MBP: variants seen among roughly 807,000 people sequenced by gnomAD.
The protein encoded by MBP is Golli-MBP.
Under a neutral mutation model 35.8 loss-of-function variants are expected in MBP, and 16 were observed. That is an observed-to-expected ratio of 0.45 (90% CI 0.30 to 0.68). The LOEUF is 0.68. Ranked by LOEUF, MBP falls within the 30% of genes least tolerant of loss-of-function variation. The pLI is 0.08. For synonymous variants in MBP, 143 were observed against 159.6 expected (o/e 0.90, Z 0.78); for missense variants, 380 against 404.7 (o/e 0.94, Z 0.52).
At chr18:76,993,770 C>T (rs79978981) in intron 4 of MBP, among the ~76,000 whole-genome samples, 3,008 of 152,242 alleles carry the variant, frequency 0.02, 43 homozygotes, top group Middle Eastern at 0.048. Context: ...CGCTTCATGG[C>T]GGGTACCCCT....
At chr18:76,998,331 G>A (rs1970433878) in intron 4 of MBP, among the ~76,000 whole-genome samples, 1 of 8,398 alleles carries the variant, frequency 1.2e-4, no homozygotes, top group African/African-American at 5.3e-4. Flanking sequence ...GCCCCCGTCA[G>A]AATCCCCTTC....
At chr18:77,123,616 T>C (rs954251661) in intron 1 of MBP, among the ~76,000 whole-genome samples, 4 of 151,958 alleles carry the variant, frequency 2.6e-5, no homozygotes, top group African/African-American at 9.7e-5. Context: ...GACTGTGGGG[T>C]GGTATGCCAG....
chr18:77,014,532 A>G (rs1568289775), intron 4 of MBP: 2 of 985,464 alleles, frequency 2.0e-6, no homozygotes, highest in African/African-American at 1.7e-5. Flanking sequence ...CCTAGCATAT[A>G]AAAACAGGGG....
intron 2 of MBP, among the ~76,000 whole-genome samples, chr18:77,088,529 A>G (rs1975362846): frequency 6.6e-6 from 1 of 152,200 alleles, no homozygotes; most frequent in South Asian, 2.1e-4. Flanking sequence ...GGGAAACATT[A>G]TTCTGGTATG....
chr18:77,083,500 A>C (rs1282905377), intron 2 of MBP, among the ~76,000 whole-genome samples: 1 of 152,246 alleles, frequency 6.6e-6, no homozygotes, highest in African/African-American at 2.4e-5. Flanking sequence ...CACAGGAGAA[A>C]TAAAAACGTG....
Position 76,988,326 on chromosome 18 carries a change from T to A in MBP, c.750+169A>T. ...TTCCGGAAGGGAAGACCACGTTTCA[T>A]TTCCCCAGTGGAAGACAAGGCGGCC... is the stretch of plus-strand genomic sequence containing the variant. On this transcript the variant is annotated intron_variant, in intron 7 of 8. Coordinates refer to ENST00000355994, the MANE Select transcript of MBP (RefSeq NM_001025101.2). The surrounding 1 kb of genome is among the most constrained non-coding windows in gnomAD (Gnocchi z 5.2). 3 of 1,586,150 alleles carry A rather than the reference T, an allele frequency of 1.9e-6. No homozygotes were observed. The Middle Eastern group carries it at 5.0e-4, about 263-fold the overall frequency.
intron 3 of MBP, among the ~76,000 whole-genome samples, chr18:77,054,452 G>T (rs975888685): frequency 6.6e-6 from 1 of 152,216 alleles, no homozygotes. Context: ...AGGCCCCTGG[G>T]GAACAGGTGG....
At chr18:77,019,488 C>T (rs995542619) in intron 3 of MBP, among the ~76,000 whole-genome samples, 7 of 152,068 alleles carry the variant, frequency 4.6e-5, no homozygotes, top group Admixed American at 3.9e-4. Context: ...TCTGGCACCA[C>T]CAGGAGTAAG....
At chr18:77,087,513 C>T (rs897938526) in intron 2 of MBP, 1 of 152,312 alleles carries the variant, frequency 6.6e-6, no homozygotes, top group African/African-American at 2.4e-5. Context: ...GGAGCCAAAG[C>T]GCAGAGGCCT....
At chr18:76,998,423 G>A (rs1021139064) in intron 4 of MBP, among the ~76,000 whole-genome samples, 3 of 152,198 alleles carry the variant, frequency 2.0e-5, no homozygotes, top group Non-Finnish European at 4.4e-5. Context: ...CCCTTCCGGG[G>A]ACTTCTGGGT....
chr18:77,065,264 G>A (rs1364073088), intron 3 of MBP, among the ~76,000 whole-genome samples: 1 of 152,182 alleles, frequency 6.6e-6, no homozygotes, highest in African/African-American at 2.4e-5. Flanking sequence ...TCAGCTTCTG[G>A]TGAGTGTGCC....
chr18:77,117,565 C>T (rs992832392), intron 1 of MBP, among the ~76,000 whole-genome samples: 8 of 152,054 alleles, frequency 5.3e-5, no homozygotes, highest in East Asian at 1.9e-4. Flanking sequence ...TTCATAGTTC[C>T]GTGGCTTGCC....
At chr18:77,019,167 G>C (rs541254507) in intron 3 of MBP, among the ~76,000 whole-genome samples, 109 of 152,334 alleles carry the variant, frequency 7.2e-4, no homozygotes, top group African/African-American at 2.3e-3. Context: ...CCTTGTCCTC[G>C]TGAAACCTAC....
At chr18:77,098,127 A>G (rs1300293878) in intron 2 of MBP, among the ~76,000 whole-genome samples, 6 of 138,088 alleles carry the variant, frequency 4.3e-5, no homozygotes, top group African/African-American at 1.6e-4. Context: ...TGGTCTCCTG[A>G]TTAGACTGTG....
At chr18:77,122,833 G>A (rs923312864) in intron 1 of MBP, among the ~76,000 whole-genome samples, 11 of 152,154 alleles carry the variant, frequency 7.2e-5, no homozygotes, top group African/African-American at 2.4e-4. Context: ...ATGAGCCACC[G>A]CGCCCGGCTA....
chr18:77,078,348 C>G (rs925126108), intron 2 of MBP, among the ~76,000 whole-genome samples: 1 of 152,200 alleles, frequency 6.6e-6, no homozygotes, highest in African/African-American at 2.4e-5. Context: ...CACCCGCTCT[C>G]CCAGGTTTCT....
chr18:77,115,910 A>G (rs1195709590), intron 1 of MBP, among the ~76,000 whole-genome samples: 3 of 151,984 alleles, frequency 2.0e-5, no homozygotes, highest in Non-Finnish European at 4.4e-5. Flanking sequence ...ATGTGTGGTC[A>G]TTAACCTCAC....
intron 2 of MBP, among the ~76,000 whole-genome samples, chr18:77,073,406 T>C (rs921229803): frequency 6.6e-6 from 1 of 152,220 alleles, no homozygotes; most frequent in Non-Finnish European, 1.5e-5. Context: ...GGGTGGGTTA[T>C]TATTCACAGC....
chr18:77,036,157 A>G (rs74777056), intron 3 of MBP, among the ~76,000 whole-genome samples: 1 of 140,982 alleles, frequency 7.1e-6, no homozygotes, highest in African/African-American at 2.7e-5. Context: ...TGCTGGTCAC[A>G]TTTTGGAGGA....
Sources: gnomAD v4.1 joint callset for allele counts (sites outside exome capture counted in the v4.1 genomes callset) on GRCh38, gnomAD v4.1.1 for gene constraint, Gnocchi (gnomAD v3.1) non-coding constraint, MANE v1.5 for transcripts, NCBI Gene and HGNC (gene_info 2026-07-23, HGNC 2026-07-21) for gene names.